KCNIP4: variants seen among roughly 807,000 people sequenced by gnomAD.
KCNIP4 encodes the protein potassium voltage-gated channel interacting protein 4, also known as Kv channel-interacting protein 4.
KCNIP4 carries 12 observed loss-of-function variants against 34.0 expected under a neutral mutation model. The ratio of observed to expected loss-of-function variants is 0.35; its 90% confidence interval spans 0.23 to 0.57. The LOEUF (loss-of-function observed/expected upper bound fraction) is 0.57, where lower values mean the gene tolerates loss of function less well. Ranked by LOEUF, KCNIP4 falls within the 20% of genes least tolerant of loss-of-function variation. The pLI is 0.83. For synonymous variants in KCNIP4, 124 were observed against 102.2 expected (o/e 1.21, Z -1.29); for missense variants, 238 against 311.7 (o/e 0.76, Z 1.78).
At chr4:21,119,517 C>A (rs766661290) in intron 1 of KCNIP4, among the ~76,000 whole-genome samples, 1 of 149,900 alleles carries the variant, frequency 6.7e-6, no homozygotes, top group Non-Finnish European at 1.5e-5. Flanking sequence ...TTAATTTCTA[C>A]AATTATTCAA....
intron 1 of KCNIP4, among the ~76,000 whole-genome samples, chr4:21,767,144 AG>A (rs1718471982): frequency 1.3e-5 from 2 of 152,276 alleles, no homozygotes; most frequent in South Asian, 4.1e-4. Flanking sequence ...AGCTTTAGAA[AG>A]GAATTTGCTT....
chr4:21,353,327 G>A (rs1380089056), intron 1 of KCNIP4, among the ~76,000 whole-genome samples: 1 of 152,104 alleles, frequency 6.6e-6, no homozygotes, highest in Non-Finnish European at 1.5e-5. Flanking sequence ...GGCTTCAGAA[G>A]GTCAGTAATA....
At chr4:21,930,150 A>G (rs749009994) in intron 1 of KCNIP4, among the ~76,000 whole-genome samples, 8 of 152,236 alleles carry the variant, frequency 5.3e-5, no homozygotes, top group Middle Eastern at 3.4e-3. Flanking sequence ...CCCAACCTCA[A>G]TATGTACTAA....
chr4:20,885,499 A>G (rs13151856), intron 1 of KCNIP4, among the ~76,000 whole-genome samples: 15,245 of 151,594 alleles, frequency 0.1, 803 homozygotes, highest in South Asian at 0.23. Flanking sequence ...AATCAGCAGC[A>G]CCCTTTCCAT....
chr4:21,831,663 CAAAAAAAAAAAA>C (rs141374886), intron 1 of KCNIP4, among the ~76,000 whole-genome samples: 1 of 73,232 alleles, frequency 1.4e-5, no homozygotes, highest in African/African-American at 5.8e-5. Context: ...CATTTTTCAT[CAAAAAAAAAAAA>C]AAAAAAAAAA....
intron 1 of KCNIP4, among the ~76,000 whole-genome samples, chr4:21,911,676 T>C (rs896513102): frequency 1.3e-5 from 2 of 149,712 alleles, no homozygotes; most frequent in Admixed American, 1.3e-4. Context: ...ATTGGTGATG[T>C]ACCTGCTAGA....
At chr4:21,773,036 C>A (rs371504970) in intron 1 of KCNIP4, among the ~76,000 whole-genome samples, 2 of 152,180 alleles carry the variant, frequency 1.3e-5, no homozygotes, top group African/African-American at 4.8e-5. Context: ...ATCTTTCCAG[C>A]TTTCTGATGT....
intron 3 of KCNIP4, among the ~76,000 whole-genome samples, chr4:20,831,134 T>C (rs773007856): frequency 6.6e-6 from 1 of 152,222 alleles, no homozygotes; most frequent in Admixed American, 6.5e-5. Flanking sequence ...TGAAACATTT[T>C]TGTGTGTGTA....
At chr4:21,872,900 T>C (rs1366430561) in intron 1 of KCNIP4, among the ~76,000 whole-genome samples, 1 of 152,216 alleles carries the variant, frequency 6.6e-6, no homozygotes, top group Non-Finnish European at 1.5e-5. Flanking sequence ...ACAGAAAATG[T>C]AACCTTCACC....
intron 1 of KCNIP4, chr4:21,608,718 T>C (rs1233678600): frequency 6.6e-6 from 1 of 152,262 alleles, no homozygotes; most frequent in East Asian, 1.9e-4. Flanking sequence ...TGTAGAACAT[T>C]AGTCAGTCAA....
In KCNIP4 at chr4:21,140,243, C is replaced by T. The variant is rs533311933; in HGVS notation, c.62-257534G>A. Among the ~76,000 whole-genome samples, 481 of 152,202 alleles carry T rather than the reference C, an allele frequency of 3.2e-3. 1 individual carries two copies. Among genetic ancestry groups the T allele is most frequent in the African/African-American group, 0.011 (456 of 41,536 alleles). ...TGTGGCCTTATGCAATTTGCTTTCT[C>T]TTTTGGGCCTCAGCCTCTCCACCTA... On this transcript the variant is annotated intron_variant, in intron 1 of 8. Coordinates refer to ENST00000382152, the MANE Select transcript of KCNIP4 (RefSeq NM_025221.6).
intron 1 of KCNIP4, among the ~76,000 whole-genome samples, chr4:21,771,013 G>C (rs559473071): frequency 3.3e-5 from 5 of 152,066 alleles, no homozygotes. Context: ...TGAAGTCTTT[G>C]CCCATGCCTG....
intron 1 of KCNIP4, among the ~76,000 whole-genome samples, chr4:21,355,002 A>T (rs1718422987): frequency 6.6e-6 from 1 of 152,158 alleles, no homozygotes; most frequent in Admixed American, 6.5e-5. Flanking sequence ...ACTCACTCAA[A>T]ATCACTCAAC....
intron 1 of KCNIP4, among the ~76,000 whole-genome samples, chr4:21,066,714 C>A (rs979666472): frequency 1.2e-4 from 19 of 152,196 alleles, no homozygotes; most frequent in Non-Finnish European, 8.8e-5. Context: ...TAGCCAGAGG[C>A]AAATTGCCCG....
At chr4:21,703,390 T>G (rs1224582385) in intron 1 of KCNIP4, among the ~76,000 whole-genome samples, 1 of 152,192 alleles carries the variant, frequency 6.6e-6, no homozygotes, top group Non-Finnish European at 1.5e-5. Flanking sequence ...TTTTTTATTA[T>G]ACTTTAAGTT....
intron 1 of KCNIP4, among the ~76,000 whole-genome samples, chr4:21,116,148 A>G (rs749925433): frequency 6.6e-6 from 1 of 152,174 alleles, no homozygotes; most frequent in African/African-American, 2.4e-5. Context: ...AAGTCTATCT[A>G]TTTATAAATA....
chr4:21,511,625 T>C (rs555069421), intron 1 of KCNIP4, among the ~76,000 whole-genome samples: 22 of 152,334 alleles, frequency 1.4e-4, no homozygotes, highest in African/African-American at 5.3e-4. Context: ...CAACTGAAGA[T>C]GGCAATAACG....
intron 1 of KCNIP4, among the ~76,000 whole-genome samples, chr4:21,675,555 T>A (rs1354023184): frequency 6.6e-6 from 1 of 152,158 alleles, no homozygotes; most frequent in Admixed American, 6.5e-5. Context: ...ATCTTATGTA[T>A]CTTATAAATG....
chr4:20,912,754 G>A (rs1211190612), intron 1 of KCNIP4, among the ~76,000 whole-genome samples: 1 of 152,104 alleles, frequency 6.6e-6, no homozygotes, highest in East Asian at 1.9e-4. Flanking sequence ...AAGAAGATAT[G>A]CAAATGCCCA....
Sources: gnomAD v4.1 joint callset for allele counts (sites outside exome capture counted in the v4.1 genomes callset) on GRCh38, gnomAD v4.1.1 for gene constraint, MANE v1.5 for transcripts, NCBI Gene and HGNC (gene_info 2026-07-23, HGNC 2026-07-21) for gene names.